Variants in MSRA observed in about 807,000 individuals in gnomAD.
MSRA encodes mitochondrial peptide methionine sulfoxide reductase.
A neutral mutation model predicts 31.3 loss-of-function variants in MSRA; 54 were observed. The observed-to-expected ratio is 1.73, with a 90% CI of 1.39 to 2.17. The LOEUF (loss-of-function observed/expected upper bound fraction) is 2.17, where lower values mean the gene tolerates loss of function less well. Ranked by LOEUF, MSRA falls within the 30% of genes most tolerant of loss-of-function variation. The pLI is 0.00. For missense variants in MSRA, 507 were observed against 300.9 expected (o/e 1.69, Z -5.07); for synonymous variants, 169 against 116.5 (o/e 1.45, Z -2.90).
chr8:10,390,836 C>T (rs1004544067), intron 5 of MSRA, among the ~76,000 whole-genome samples: 9 of 152,028 alleles, frequency 5.9e-5, no homozygotes, highest in African/African-American at 1.2e-4. Context: ...ATTATCTGGG[C>T]GCGGTGGCAG....
At chr8:10,189,475 T>C (rs565939145) in intron 1 of MSRA, among the ~76,000 whole-genome samples, 2 of 152,334 alleles carry the variant, frequency 1.3e-5, no homozygotes, top group East Asian at 3.9e-4. Flanking sequence ...GATGCAGCTG[T>C]AGCTTTTTAG....
chr8:10,225,822 G>A (rs572529115), intron 2 of MSRA, among the ~76,000 whole-genome samples: 1 of 152,208 alleles, frequency 6.6e-6, no homozygotes, highest in Non-Finnish European at 1.5e-5. Flanking sequence ...AGTGTTTACT[G>A]ACCATCTACC....
intron 5 of MSRA, among the ~76,000 whole-genome samples, chr8:10,417,799 C>G (rs989789983): frequency 1.3e-5 from 1 of 74,862 alleles, no homozygotes; most frequent in South Asian, 4.1e-4. Flanking sequence ...CGCACGTGTG[C>G]ACACGCAGGA....
chr8:10,239,729 A>C (rs1260054440), intron 2 of MSRA, among the ~76,000 whole-genome samples: 2 of 152,224 alleles, frequency 1.3e-5, no homozygotes, highest in South Asian at 4.1e-4. Context: ...TACAGAGCCA[A>C]GAGTGTGGGA....
chr8:10,325,562 G>A (rs972351139), intron 5 of MSRA, among the ~76,000 whole-genome samples: 1 of 152,130 alleles, frequency 6.6e-6, no homozygotes, highest in Non-Finnish European at 1.5e-5. Context: ...GCCCTTTTAA[G>A]TTTTGAAACT....
chr8:10,174,877 C>T (rs1805905744), intron 1 of MSRA, among the ~76,000 whole-genome samples: 1 of 152,164 alleles, frequency 6.6e-6, no homozygotes, highest in South Asian at 2.1e-4. Flanking sequence ...ATTCTGTCCT[C>T]TGGTGTCTGT....
At chr8:10,129,987 C>G (rs1801782506) in intron 1 of MSRA, among the ~76,000 whole-genome samples, 2 of 152,146 alleles carry the variant, frequency 1.3e-5, no homozygotes. Flanking sequence ...TGTATGTGCA[C>G]CTATCCCCAT....
intron 5 of MSRA, among the ~76,000 whole-genome samples, chr8:10,321,485 C>G (rs1389326266): frequency 6.6e-6 from 1 of 152,080 alleles, no homozygotes; most frequent in Non-Finnish European, 1.5e-5. Context: ...CTCCCACCTC[C>G]CTCCCAGGGT....
intron 1 of MSRA, among the ~76,000 whole-genome samples, chr8:10,112,684 C>G (rs963574827): frequency 1.3e-5 from 2 of 152,144 alleles, no homozygotes; most frequent in Non-Finnish European, 2.9e-5. Flanking sequence ...ATATGCAACT[C>G]TAATGTAGTG....
At chr8:10,179,687 G>A (rs531509786) in intron 1 of MSRA, among the ~76,000 whole-genome samples, 1 of 152,194 alleles carries the variant, frequency 6.6e-6, no homozygotes, top group Non-Finnish European at 1.5e-5. Context: ...ACAGACCTGG[G>A]TTTATGTTCC....
At position 10,243,816 on chromosome 8, in the gene MSRA, G is replaced by A. The variant is rs567582697; in HGVS notation, c.212-1288G>A. On this transcript the variant is annotated intron_variant, in intron 2 of 5. Coordinates refer to ENST00000317173, the MANE Select transcript of MSRA (RefSeq NM_012331.5). ...TTTTTCCTTTTTACTTTAGCCTTAG[G>A]TAATTATGATATCACAAACATATTT... 3.9e-5 allele frequency among the ~76,000 whole-genome samples: 6 copies of A among 152,064 alleles called. No individual in the cohort carries two copies. In the East Asian group the frequency reaches 7.7e-4, roughly 20 times the overall value.
intron 1 of MSRA, among the ~76,000 whole-genome samples, chr8:10,161,467 C>T (rs1379243565): frequency 6.6e-6 from 1 of 152,156 alleles, no homozygotes; most frequent in East Asian, 1.9e-4. Flanking sequence ...CTAAGTAGGG[C>T]AGGTTTTATG....
At chr8:10,379,046 A>G (rs1805907396) in intron 5 of MSRA, among the ~76,000 whole-genome samples, 1 of 152,050 alleles carries the variant, frequency 6.6e-6, no homozygotes. Context: ...TTTTCACTTA[A>G]CAGTATTAGT....
chr8:10,054,323 C>A lies in MSRA; in HGVS notation c.-194C>A. On this transcript the variant is annotated 5_prime_UTR_variant, in exon 1 of 6. Coordinates refer to ENST00000317173, the MANE Select transcript of MSRA (RefSeq NM_012331.5). ...GGAAGGAACACGCCCCCGGTGACAGCCGGTACGGCCCCGGGTTTGGGCAAC... is the reference window on the plus strand; with the variant it reads ...GGAAGGAACACGCCCCCGGTGACAGACGGTACGGCCCCGGGTTTGGGCAAC... The A allele has an allele frequency of 2.4e-6, 1 of 416,014 alleles. No individual in the cohort carries two copies. Among genetic ancestry groups the A allele is most frequent in the Non-Finnish European group, 4.0e-6 (1 of 252,398 alleles). 25.8% of individuals were successfully genotyped at this position (416,014 alleles called of 1,614,324 possible).
At chr8:10,153,890 A>G (rs1585045894) in intron 1 of MSRA, among the ~76,000 whole-genome samples, 1 of 152,328 alleles carries the variant, frequency 6.6e-6, no homozygotes, top group South Asian at 2.1e-4. Flanking sequence ...TCTCTCTCTG[A>G]TATCACTAAA....
intron 1 of MSRA, among the ~76,000 whole-genome samples, chr8:10,112,033 T>G (rs930333259): frequency 2.6e-4 from 14 of 53,926 alleles, no homozygotes; most frequent in Admixed American, 3.4e-4. Flanking sequence ...TAAGACTCAG[T>G]TTTTTTTTTG....
At chr8:10,100,298 A>G (rs1799446481) in intron 1 of MSRA, among the ~76,000 whole-genome samples, 2 of 152,010 alleles carry the variant, frequency 1.3e-5, no homozygotes, top group Admixed American at 6.5e-5. Context: ...AGTCAGGAGC[A>G]TTGTGTATAG....
At chr8:10,230,153 C>A (rs1811343118) in intron 2 of MSRA, among the ~76,000 whole-genome samples, 2 of 152,228 alleles carry the variant, frequency 1.3e-5, no homozygotes, top group African/African-American at 4.8e-5. Context: ...AGGTGGGCCC[C>A]ATGTTCAGAG....
intron 5 of MSRA, among the ~76,000 whole-genome samples, chr8:10,420,624 C>T (rs1343442912): frequency 6.6e-6 from 1 of 152,122 alleles, no homozygotes; most frequent in Non-Finnish European, 1.5e-5. Flanking sequence ...GTTACTAACC[C>T]AGCCAGGTTC....
Sources: allele counts gnomAD v4.1 joint callset (sites outside exome capture counted in the v4.1 genomes callset), GRCh38; gene constraint gnomAD v4.1.1; transcripts MANE v1.5; gene names NCBI Gene and HGNC (gene_info 2026-07-23, HGNC 2026-07-21).